RGPD1: variants seen among roughly 807,000 people sequenced by gnomAD.
The protein encoded by RGPD1 is RANBP2 like and GRIP domain containing 1.
RGPD1 carries 7 observed loss-of-function variants against 40.6 expected under a neutral mutation model. The ratio of observed to expected loss-of-function variants is 0.17; its 90% CI spans 0.10 to 0.32. The LOEUF is 0.32. RGPD1 is among the 10% of genes least tolerant of loss of function. The pLI is 1.00. For missense variants in RGPD1, 50 were observed against 472.5 expected (o/e 0.11, Z 8.29); for synonymous variants, 24 against 167.0 (o/e 0.14, Z 6.60).
At chr2:86,938,591 C>A (rs1470817727), upstream of RGPD1, among the ~76,000 whole-genome samples, 1 of 150,772 alleles carries the variant, frequency 6.6e-6, no homozygotes, top group Non-Finnish European at 1.5e-5. Flanking sequence ...CAAAGCAAGA[C>A]TCCATCTCAA....
At position 86,923,265 on chromosome 2, in the gene RGPD1, A is replaced by C. The variant is rs1294404072; in HGVS notation, c.72+9344A>C. ...TGTTGGCCAGGCTGGTCTCCAACTC[A>C]TGACCTCAAGTGACCTTCCTGACCT... On this transcript the variant is annotated intron_variant, in intron 1 of 22. Coordinates refer to the RGPD1 transcript ENST00000398193. Among the ~76,000 whole-genome samples, 923 of 151,372 alleles carry C rather than the reference A, an allele frequency of 6.1e-3. 5 individuals are homozygous for C. The highest frequency in any genetic ancestry group is 0.02 in the Middle Eastern group (6 of 294).
chr2:86,915,072 G>C lies in RGPD1; in HGVS notation c.72+1151G>C, dbSNP rs544250152. Among the ~76,000 whole-genome samples, 140 of 149,926 alleles carry C rather than the reference G, an allele frequency of 9.3e-4. 2 individuals are homozygous for C. Among genetic ancestry groups the C allele is most frequent in the African/African-American group, 3.3e-3 (137 of 40,904 alleles). On this transcript the variant is annotated intron_variant, in intron 1 of 22. Transcript: ENST00000398193. Reference sequence around the variant, plus strand: ...ACATTTTGTGAGACTGAGGCAGGTGGATCGCTTGAGGTCGGTCGTTCGAGA... The same window carrying C: ...ACATTTTGTGAGACTGAGGCAGGTGCATCGCTTGAGGTCGGTCGTTCGAGA...
intron 1 of RGPD1, among the ~76,000 whole-genome samples, chr2:86,914,126 T>TC (rs1677605945): frequency 5.8e-4 from 1 of 1,728 alleles, no homozygotes; most frequent in African/African-American, 2.0e-3. Flanking sequence ...GGCCCCGGCC[T>TC]GGCCGGGCGG....
chr2:86,914,160 GCCT>G (rs1388512406), intron 1 of RGPD1, among the ~76,000 whole-genome samples: 9 of 69,108 alleles, frequency 1.3e-4, no homozygotes, highest in East Asian at 9.2e-4. Flanking sequence ...GGCGGCGGCG[GCCT>G]CGGCCTCGGC....
intron 1 of RGPD1, among the ~76,000 whole-genome samples, chr2:86,945,527 T>TG (rs1375690775): frequency 2.0e-5 from 3 of 152,218 alleles, no homozygotes; most frequent in Admixed American, 2.0e-4. Context: ...AGTGTGATGA[T>TG]GCGTCTGTAT....
intron 1 of RGPD1, 98 bp downstream of exon 1, chr2:86,942,406 G>C (rs566371283): frequency 1.6e-6 from 2 of 1,232,194 alleles, no homozygotes; most frequent in Non-Finnish European, 2.1e-6. Flanking sequence ...CGGCGGCCTC[G>C]ATGGCTCAGG....
upstream of RGPD1, among the ~76,000 whole-genome samples, chr2:86,941,771 C>T (rs906122114): frequency 5.3e-5 from 8 of 149,914 alleles, no homozygotes; most frequent in African/African-American, 2.0e-4. Flanking sequence ...AGTGCAGTGG[C>T]GCGATCTCAG....
chr2:86,918,727 G>A lies in RGPD1; in HGVS notation c.72+4806G>A, dbSNP rs1477774322. Among the ~76,000 whole-genome samples, 317 of 142,680 alleles carry A rather than the reference G, an allele frequency of 2.2e-3. 6 individuals carry two copies. Among genetic ancestry groups the A allele is most frequent in the Admixed American group, 4.7e-3 (67 of 14,268 alleles). The allele number at this position is 142,680 out of a possible 152,430, so 93.6% of individuals were successfully genotyped here. A position where few individuals can be genotyped will look rare whatever the true frequency, so the allele number is the denominator to read the frequency against. On this transcript the variant is annotated intron_variant, in intron 1 of 22. Coordinates refer to the RGPD1 transcript ENST00000398193. ...GCCCGTCTCAGCCTCCCAAAGTGCTGGGATTACAGGTGTGAGCCACCGTGC... is the reference window on the plus strand; with the variant it reads ...GCCCGTCTCAGCCTCCCAAAGTGCTAGGATTACAGGTGTGAGCCACCGTGC...
intron 1 of RGPD1, among the ~76,000 whole-genome samples, chr2:86,943,009 C>T (rs1490521738): frequency 4.0e-5 from 6 of 151,750 alleles, no homozygotes; most frequent in South Asian, 2.1e-4. Context: ...GCTGTATCGG[C>T]GGGTTTCTTC....
chr2:86,978,065 C>G, intron 17 of RGPD1, 134 bp downstream of exon 17: 2 of 631,414 alleles, frequency 3.2e-6, no homozygotes, highest in East Asian at 3.0e-5. Context: ...ACATTTTGGT[C>G]TTTTTTTTTT....
chr2:86,922,997 A>G (rs1284439181), intron 1 of RGPD1, among the ~76,000 whole-genome samples: 1 of 112,550 alleles, frequency 8.9e-6, no homozygotes, highest in East Asian at 2.5e-4. Context: ...TTTTTAAATT[A>G]AGGTTCTCAA....
intron 4 of RGPD1, among the ~76,000 whole-genome samples, chr2:86,956,893 TAAG>T (rs1327382768): frequency 3.3e-5 from 4 of 122,252 alleles, no homozygotes; most frequent in Non-Finnish European, 6.6e-5. Flanking sequence ...GGTGGAAGAA[TAAG>T]AAGGATGGTA....
chr2:86,914,214 C>T (rs1382985691), intron 1 of RGPD1, among the ~76,000 whole-genome samples: 1 of 82,198 alleles, frequency 1.2e-5, no homozygotes, highest in African/African-American at 4.8e-5. Context: ...GGCCGGGCGG[C>T]GGCGGCGGCC....
chr2:86,943,345 T>A (rs1409948087), intron 1 of RGPD1, among the ~76,000 whole-genome samples: 1 of 146,080 alleles, frequency 6.8e-6, no homozygotes, highest in Non-Finnish European at 1.5e-5. Context: ...CTAAAGTTCT[T>A]ACAAATCGTT....
In RGPD1 at chr2:86,943,152, G is replaced by T. The variant is rs891161156; in HGVS notation, c.72+844G>T. Reference sequence around the variant, plus strand: ...GTCGAGTGACAACGTAGGCATCTCAGCACGGACATTTGCAGTGGCCCGACG... The same window carrying T: ...GTCGAGTGACAACGTAGGCATCTCATCACGGACATTTGCAGTGGCCCGACG... On this transcript the variant is annotated intron_variant, in intron 1 of 22. Coordinates refer to ENST00000641458, the MANE Select transcript of RGPD1 (RefSeq NM_001382344.1). 2.6e-5 allele frequency among the ~76,000 whole-genome samples: 4 copies of T among 151,264 alleles called. 1 individual carries two copies. In the South Asian group the frequency reaches 8.4e-4, roughly 32 times the overall value.
At chr2:86,960,651 G>A (rs1395404394) in intron 6 of RGPD1, among the ~76,000 whole-genome samples, 1 of 122,770 alleles carries the variant, frequency 8.1e-6, no homozygotes, top group African/African-American at 4.3e-5. Flanking sequence ...GTGCAGTGGT[G>A]CCATCTCGGC....
chr2:86,943,316 G>T (rs992387742), intron 1 of RGPD1, among the ~76,000 whole-genome samples: 1 of 113,868 alleles, frequency 8.8e-6, no homozygotes, highest in Non-Finnish European at 1.7e-5. Context: ...AGCTGCCTTT[G>T]CTTAAAAAAA....
At position 86,913,882 on chromosome 2, in the gene RGPD1, C is replaced by T. The variant is rs894325437; in HGVS notation, c.33C>T (p.Tyr11=). Residue 11 remains tyrosine (Y), a synonymous_variant, in exon 1 of 23, where the codon TAC becomes TAT. Transcript: ENST00000398193. Reference sequence around the variant, plus strand: ...GCAGCAAGGCCTACGGGGAGCGGTACCTCGCCTCGGTGCAGGGCTCCGCCC... The same window carrying T: ...GCAGCAAGGCCTACGGGGAGCGGTATCTCGCCTCGGTGCAGGGCTCCGCCC... 11 of 1,578,266 alleles carry T rather than the reference C, an allele frequency of 7.0e-6. No homozygotes were observed. In the African/African-American group the frequency reaches 8.3e-5, roughly 12 times the overall value.
intron 1 of RGPD1, among the ~76,000 whole-genome samples, chr2:86,944,018 CAAA>C (rs550193405): frequency 4.0e-5 from 6 of 149,148 alleles, no homozygotes; most frequent in African/African-American, 1.2e-4. Flanking sequence ...CAAAAAAAAA[CAAA>C]AAAAAACCAA....
Sources: allele counts gnomAD v4.1 joint callset (sites outside exome capture counted in the v4.1 genomes callset), GRCh38; gene constraint gnomAD v4.1.1; transcripts MANE v1.5; gene names NCBI Gene and HGNC (gene_info 2026-07-23, HGNC 2026-07-21).